Variants in GRIK4 observed in about 807,000 individuals in gnomAD.
GRIK4 encodes glutamate receptor ionotropic, kainate 4.
Under a neutral mutation model 104.9 loss-of-function variants are expected in GRIK4, and 40 were observed. That is an observed-to-expected ratio of 0.38 (90% CI 0.30 to 0.50). GRIK4 has a LOEUF of 0.50. Among genes scored for constraint, GRIK4 ranks in the 20% least tolerant of loss-of-function variants. The probability of loss-of-function intolerance (pLI) is 0.93; values close to 1 mark genes in which losing one functional copy is unlikely to be tolerated. For missense variants in GRIK4, 1,047 were observed against 1,308.1 expected (o/e 0.80, Z 3.08); for synonymous variants, 485 against 524.9 (o/e 0.92, Z 1.04).
chr11:120,739,560 G>A (rs1951290165), intron 3 of GRIK4, among the ~76,000 whole-genome samples: 1 of 152,156 alleles, frequency 6.6e-6, no homozygotes, highest in Non-Finnish European at 1.5e-5. Flanking sequence ...AGAAAACTGG[G>A]GCCCACAGGG....
chr11:120,756,651 A>G (rs1284874209), intron 3 of GRIK4, among the ~76,000 whole-genome samples: 2 of 152,232 alleles, frequency 1.3e-5, no homozygotes, highest in African/African-American at 4.8e-5. Context: ...AATGGACCCC[A>G]GTAGTCTCAT....
chr11:120,783,086 G>A lies in GRIK4; in HGVS notation c.83-19607G>A, dbSNP rs139098003. Among the ~76,000 whole-genome samples the A allele has an allele frequency of 5.9e-3, 896 of 152,282 alleles. 3 individuals carry two copies. The highest frequency in any genetic ancestry group is 9.8e-3 in the Non-Finnish European group (666 of 68,022). On this transcript the variant is annotated intron_variant, in intron 3 of 20. Coordinates refer to ENST00000527524, the MANE Select transcript of GRIK4 (RefSeq NM_014619.5). ...TGAAAAGAGACACATTCAAACCGTC[G>A]CCCTAGCGATGCTGCTGAACTCCCT...
In GRIK4 at chr11:120,577,615, A is replaced by C. The variant is rs552878038; in HGVS notation, c.-159+65728A>C. Among the ~76,000 whole-genome samples, 10 of 152,296 alleles carry C rather than the reference A, an allele frequency of 6.6e-5. 1 individual carries two copies. In the South Asian group the frequency reaches 1.7e-3, roughly 25 times the overall value. ...TCCTGCCAGGCAGAGGGATTGTAAA[A>C]TGCAGCTAATTTAGAGAGCCAGGGG... On this transcript the variant is annotated intron_variant, in intron 1 of 20. Transcript: ENST00000527524.
At chr11:120,794,428 GA>G (rs1246863684) in intron 3 of GRIK4, among the ~76,000 whole-genome samples, 1 of 152,026 alleles carries the variant, frequency 6.6e-6, no homozygotes, top group African/African-American at 2.4e-5. Flanking sequence ...CTCCTCTCCA[GA>G]ATTTCTATAT....
chr11:120,687,169 A>G (rs1950289024), intron 3 of GRIK4, among the ~76,000 whole-genome samples: 1 of 152,246 alleles, frequency 6.6e-6, no homozygotes, highest in Non-Finnish European at 1.5e-5. Flanking sequence ...AGTAGATGAC[A>G]TTATCCCATT....
At chr11:120,544,078 A>G (rs1257679545) in intron 1 of GRIK4, among the ~76,000 whole-genome samples, 1 of 152,240 alleles carries the variant, frequency 6.6e-6, no homozygotes, top group Admixed American at 6.5e-5. Flanking sequence ...ATAGCTAACA[A>G]TACTGTGTTC....
chr11:120,512,553 T>C (rs931760510), intron 1 of GRIK4, among the ~76,000 whole-genome samples: 4 of 151,042 alleles, frequency 2.6e-5, no homozygotes, highest in African/African-American at 9.7e-5. Flanking sequence ...CCGGGGAGAA[T>C]GGGGCTCCCA....
At chr11:120,975,348 G>A (rs1191510214) in intron 19 of GRIK4, among the ~76,000 whole-genome samples, 2 of 152,144 alleles carry the variant, frequency 1.3e-5, no homozygotes, top group Non-Finnish European at 2.9e-5. Flanking sequence ...GGAGAGAGCC[G>A]AGGCTGGAAA....
intron 14 of GRIK4, among the ~76,000 whole-genome samples, chr11:120,951,077 G>A (rs1442718711): frequency 5.9e-5 from 9 of 152,216 alleles, no homozygotes. Context: ...GATCACGTGA[G>A]AGGTCACTGT....
chr11:120,622,742 A>G (rs1345751015), intron 1 of GRIK4, among the ~76,000 whole-genome samples: 1 of 152,218 alleles, frequency 6.6e-6, no homozygotes, highest in Non-Finnish European at 1.5e-5. Flanking sequence ...CTCCCGCCAA[A>G]GGCCCTAGGG....
At chr11:120,612,269 T>C (rs1257419034) in intron 1 of GRIK4, among the ~76,000 whole-genome samples, 1 of 152,220 alleles carries the variant, frequency 6.6e-6, no homozygotes, top group Non-Finnish European at 1.5e-5. Context: ...TAAATGGCAC[T>C]TTGTTGAATG....
At chr11:120,622,245 A>G (rs1949198828) in intron 1 of GRIK4, among the ~76,000 whole-genome samples, 1 of 152,104 alleles carries the variant, frequency 6.6e-6, no homozygotes, top group Non-Finnish European at 1.5e-5. Flanking sequence ...CACCACCAAC[A>G]CTGGGATGTG....
intron 1 of GRIK4, among the ~76,000 whole-genome samples, chr11:120,529,392 G>T (rs951822411): frequency 2.0e-5 from 3 of 152,204 alleles, no homozygotes; most frequent in African/African-American, 7.2e-5. Context: ...GACATTAGAG[G>T]GATTGCCCTT....
At chr11:120,578,926 C>T (rs1240354016) in intron 1 of GRIK4, among the ~76,000 whole-genome samples, 1 of 152,224 alleles carries the variant, frequency 6.6e-6, no homozygotes, top group African/African-American at 2.4e-5. Context: ...TGCTAACCAG[C>T]TGTCAGAAGT....
Position 120,956,162 on chromosome 11 carries a change from TC to T in GRIK4, c.1701-616del, listed in dbSNP as rs1327550427. ...ACAGAACAAGCGGCTTCCCAGGCTG[TC>T]CACCTCTTGACACTCCTAGCCTCAG... On this transcript the variant is annotated intron_variant, in intron 15 of 20. Transcript: ENST00000527524. The surrounding 1 kb of genome is among the most constrained non-coding windows in gnomAD (Gnocchi z 4.6). 6.6e-6 allele frequency among the ~76,000 whole-genome samples: 1 copy of T among 151,614 alleles called. No homozygotes were observed. The highest frequency in any genetic ancestry group is 1.5e-5 in the Non-Finnish European group (1 of 67,948).
intron 3 of GRIK4, among the ~76,000 whole-genome samples, chr11:120,741,478 A>G (rs976162931): frequency 6.6e-6 from 1 of 151,552 alleles, no homozygotes; most frequent in Non-Finnish European, 1.5e-5. Flanking sequence ...TGGGGTTTCA[A>G]CATTTTAGCC....
At chr11:120,669,404 G>GTCCC (rs1949976029) in intron 3 of GRIK4, among the ~76,000 whole-genome samples, 1 of 152,180 alleles carries the variant, frequency 6.6e-6, no homozygotes, top group East Asian at 1.9e-4. Context: ...CTTAGCTGCT[G>GTCCC]TCCCTCTACA....
At chr11:120,565,651 G>A (rs1948311958) in intron 1 of GRIK4, among the ~76,000 whole-genome samples, 1 of 152,198 alleles carries the variant, frequency 6.6e-6, no homozygotes, top group South Asian at 2.1e-4. Flanking sequence ...GGAGAAGGGG[G>A]CCTCCAGCGC....
At chr11:120,621,713 C>T (rs1388264931) in intron 1 of GRIK4, among the ~76,000 whole-genome samples, 3 of 152,054 alleles carry the variant, frequency 2.0e-5, no homozygotes, top group Non-Finnish European at 4.4e-5. Context: ...TTCTTTGGGC[C>T]TTATTTTCTT....
Sources: allele counts gnomAD v4.1 joint callset (sites outside exome capture counted in the v4.1 genomes callset), GRCh38; gene constraint gnomAD v4.1.1; non-coding constraint Gnocchi (gnomAD v3.1); transcripts MANE v1.5; gene names NCBI Gene and HGNC (gene_info 2026-07-23, HGNC 2026-07-21).